The following SAMD13 variants were observed in gnomAD, a reference collection of about 807,000 sequenced individuals.
SAMD13 encodes the protein sterile alpha motif domain containing 13.
Under a neutral mutation model 12.4 loss-of-function variants are expected in SAMD13, and 9 were observed. That is an observed-to-expected ratio of 0.72 (90% CI 0.44 to 1.26). The LOEUF (loss-of-function observed/expected upper bound fraction) is 1.26, where lower values mean the gene tolerates loss of function less well. Among genes scored for constraint, SAMD13 ranks in the 50% most tolerant of loss-of-function variants. SAMD13 has a pLI of 0.00. For missense variants in SAMD13, 84 were observed against 119.6 expected (o/e 0.70, Z 1.39); for synonymous variants, 46 against 45.4 (o/e 1.01, Z -0.05).
chr1:84,323,887 C>T (rs181421340), intron 2 of SAMD13, among the ~76,000 whole-genome samples: 1 of 152,232 alleles, frequency 6.6e-6, no homozygotes, highest in Non-Finnish European at 1.5e-5. Flanking sequence ...GTACCTAGCC[C>T]ACTCTTCTGC....
chr1:84,313,166 A>G lies in SAMD13; in HGVS notation c.53+9879A>G, dbSNP rs544748541. ...CCACATGTATACATAACACAAGAAT[A>G]TATACATATATTCACATGCATTAAA... On this transcript the variant is annotated intron_variant, in intron 2 of 3. Coordinates refer to ENST00000394834, the MANE Select transcript of SAMD13 (RefSeq NM_001134663.2). 3.9e-5 allele frequency among the ~76,000 whole-genome samples: 6 copies of G among 152,314 alleles called. 1 individual carries two copies. The highest frequency in any genetic ancestry group is 2.1e-4 in the South Asian group (1 of 4,828).
chr1:84,306,727 A>T (rs961045194), intron 2 of SAMD13, among the ~76,000 whole-genome samples: 7 of 148,652 alleles, frequency 4.7e-5, no homozygotes, highest in Non-Finnish European at 1.0e-4. Flanking sequence ...GCTACTCAGG[A>T]GGCTGAGGCA....
At chr1:84,326,161 A>G (rs1387806186) in intron 3 of SAMD13, among the ~76,000 whole-genome samples, 1 of 152,178 alleles carries the variant, frequency 6.6e-6, no homozygotes, top group African/African-American at 2.4e-5. Flanking sequence ...CCAATGGACT[A>G]TTAAGCCCTT....
chr1:84,322,103 C>G (rs960298256), intron 2 of SAMD13, among the ~76,000 whole-genome samples: 1 of 152,142 alleles, frequency 6.6e-6, no homozygotes, highest in Admixed American at 6.6e-5. Flanking sequence ...TAAATACGTC[C>G]TCAACAGCAC....
intron 3 of SAMD13, among the ~76,000 whole-genome samples, chr1:84,336,593 C>T (rs1679296340): frequency 6.6e-6 from 1 of 152,160 alleles, no homozygotes. Flanking sequence ...AATTACCTCC[C>T]ACCGGGTCCC....
At chr1:84,349,513 G>A (rs1679604350) in intron 3 of SAMD13, 118 bp from the exon 4 acceptor site, 2 of 1,482,086 alleles carry the variant, frequency 1.3e-6, no homozygotes, top group East Asian at 4.6e-5. Context: ...TACTACAAAT[G>A]TAATGTTTTT....
chr1:84,302,541 TACACACACACAC>T (rs58540263), intron 1 of SAMD13: 42 of 204,990 alleles, frequency 2.0e-4, no homozygotes, highest in Non-Finnish European at 3.0e-4. Flanking sequence ...TTCTTACACA[TACACACACACAC>T]ACACACACAC....
At chr1:84,338,463 A>T (rs1679351647) in intron 3 of SAMD13, among the ~76,000 whole-genome samples, 2 of 120,940 alleles carry the variant, frequency 1.7e-5, no homozygotes, top group African/African-American at 3.2e-5. Flanking sequence ...TTTAAGATGG[A>T]GTCTCACTCT....
At chr1:84,328,400 C>A (rs1053309242) in intron 3 of SAMD13, among the ~76,000 whole-genome samples, 1 of 152,168 alleles carries the variant, frequency 6.6e-6, no homozygotes, top group Non-Finnish European at 1.5e-5. Context: ...CTCAAAGGAT[C>A]AGAGTTTTGC....
At chr1:84,316,632 T>C (rs571114882) in intron 2 of SAMD13, among the ~76,000 whole-genome samples, 11 of 152,298 alleles carry the variant, frequency 7.2e-5, no homozygotes, top group South Asian at 2.1e-4. Flanking sequence ...CTTTGTAATA[T>C]ATTTTGAAAT....
At chr1:84,319,396 C>A (rs1247003769) in intron 2 of SAMD13, among the ~76,000 whole-genome samples, 1 of 152,034 alleles carries the variant, frequency 6.6e-6, no homozygotes, top group Non-Finnish European at 1.5e-5. Flanking sequence ...GAGGCCACGG[C>A]AGGTGGATCT....
chr1:84,298,560 G>A, upstream of SAMD13: 7 of 1,277,952 alleles, frequency 5.5e-6, no homozygotes, highest in Non-Finnish European at 7.0e-6. Context: ...GCGCGGCCAT[G>A]CGGGGAGGTA....
intron 2 of SAMD13, among the ~76,000 whole-genome samples, chr1:84,318,613 G>A (rs956432271): frequency 3.9e-5 from 6 of 152,078 alleles, no homozygotes; most frequent in African/African-American, 1.4e-4. Context: ...TGTCTGTTAG[G>A]TTCACTTGGT....
At chr1:84,318,430 C>G (rs76973503) in intron 2 of SAMD13, among the ~76,000 whole-genome samples, 1,589 of 152,092 alleles carry the variant, frequency 0.01, 22 homozygotes, top group African/African-American at 0.037. Flanking sequence ...TTTCCTGCTG[C>G]CATTGATTTC....
chr1:84,315,093 T>C (rs181756870), intron 2 of SAMD13, among the ~76,000 whole-genome samples: 5 of 151,876 alleles, frequency 3.3e-5, no homozygotes, highest in Admixed American at 2.6e-4. Flanking sequence ...TTTAATGTGG[T>C]AAGAACATTT....
intron 3 of SAMD13, among the ~76,000 whole-genome samples, chr1:84,341,579 A>G (rs1679426447): frequency 6.6e-6 from 1 of 152,158 alleles, no homozygotes. Context: ...TGGACACTGC[A>G]AAAAGCTAAT....
At chr1:84,315,444 T>C (rs1015721128) in intron 2 of SAMD13, among the ~76,000 whole-genome samples, 2 of 152,196 alleles carry the variant, frequency 1.3e-5, no homozygotes, top group Non-Finnish European at 2.9e-5. Flanking sequence ...TTAAATAATA[T>C]CTCATTGTAT....
intron 2 of SAMD13, among the ~76,000 whole-genome samples, chr1:84,323,017 T>A (rs1678978782): frequency 6.6e-6 from 1 of 152,188 alleles, no homozygotes; most frequent in African/African-American, 2.4e-5. Context: ...TAACTATTCT[T>A]GGTGAGGAAA....
chr1:84,302,277 A>C (rs983364760), intron 1 of SAMD13, among the ~76,000 whole-genome samples: 5 of 151,844 alleles, frequency 3.3e-5, no homozygotes, highest in African/African-American at 1.2e-4. Flanking sequence ...TTGAGTGGAA[A>C]TGTATTTAAT....
Sources: gnomAD v4.1 joint callset for allele counts (sites outside exome capture counted in the v4.1 genomes callset) on GRCh38, gnomAD v4.1.1 for gene constraint, MANE v1.5 for transcripts, NCBI Gene and HGNC (gene_info 2026-07-23, HGNC 2026-07-21) for gene names.